Variants in ALK observed in about 807,000 individuals in gnomAD.
ALK encodes the protein ALK receptor tyrosine kinase.
Under a neutral mutation model 163.1 loss-of-function variants are expected in ALK, and 74 were observed. That is an observed-to-expected ratio of 0.45 (90% CI 0.38 to 0.55). The LOEUF (loss-of-function observed/expected upper bound fraction) is 0.55, where lower values mean the gene tolerates loss of function less well. ALK is among the 20% of genes least tolerant of loss of function. The pLI is 0.00. For missense variants in ALK, 2,063 were observed against 2,105.3 expected, an observed-to-expected ratio of 0.98 and a Z score of 0.39; for synonymous variants, 960 against 843.2, an observed-to-expected ratio of 1.14 and a Z score of -2.40.
intron 3 of ALK, among the ~76,000 whole-genome samples, chr2:29,581,822 T>C (rs1203707292): frequency 1.3e-5 from 2 of 152,246 alleles, no homozygotes; most frequent in East Asian, 3.8e-4. Flanking sequence ...TTGCCTCTGC[T>C]GAGTTTTTGC....
intron 4 of ALK, among the ~76,000 whole-genome samples, chr2:29,521,102 G>A (rs1415931990): frequency 1.3e-5 from 2 of 152,216 alleles, no homozygotes. Context: ...GGATCACACA[G>A]TGGGGCTAAG....
chr2:29,564,148 G>A (rs930546996), intron 3 of ALK, among the ~76,000 whole-genome samples: 1 of 152,128 alleles, frequency 6.6e-6, no homozygotes, highest in Non-Finnish European at 1.5e-5. Flanking sequence ...TGACTTACTG[G>A]CTGTCGTGCG....
At chr2:29,690,654 T>C (rs80341584) in intron 3 of ALK, among the ~76,000 whole-genome samples, 2,137 of 152,294 alleles carry the variant, frequency 0.014, 44 homozygotes, top group African/African-American at 0.049. Context: ...TTATGTTCCA[T>C]CAAAATGATC....
intron 1 of ALK, among the ~76,000 whole-genome samples, chr2:29,725,383 C>G (rs1239421170): frequency 6.6e-6 from 1 of 152,070 alleles, no homozygotes. Flanking sequence ...TAAATCCTAC[C>G]CCTTCTTAAA....
chr2:29,447,853 T>C (rs1173411020), intron 4 of ALK, among the ~76,000 whole-genome samples: 1 of 152,056 alleles, frequency 6.6e-6, no homozygotes, highest in Admixed American at 6.5e-5. Flanking sequence ...TGCTCAAATA[T>C]GTGTGAGTTT....
chr2:29,770,443 T>C (rs1680989291), intron 1 of ALK, among the ~76,000 whole-genome samples: 2 of 152,248 alleles, frequency 1.3e-5, no homozygotes, highest in African/African-American at 4.8e-5. Flanking sequence ...AGCATTCTAG[T>C]GTCCTACTCT....
chr2:29,676,466 AT>A (rs1426190472), intron 3 of ALK, among the ~76,000 whole-genome samples: 1 of 152,076 alleles, frequency 6.6e-6, no homozygotes, highest in African/African-American at 2.4e-5. Context: ...AAGTCAGTTG[AT>A]TATAAATTAA....
chr2:29,625,358 A>G lies in ALK; in HGVS notation c.952+69492T>C, dbSNP rs574970416. On this transcript the variant is annotated intron_variant, in intron 3 of 28. Coordinates refer to ENST00000389048, the MANE Select transcript of ALK (RefSeq NM_004304.5). ...AAGGAGGAGTGCACACATGCATAGTATTTATGTATATGTGCGCATTTTCCC... is the reference window on the plus strand; with the variant it reads ...AAGGAGGAGTGCACACATGCATAGTGTTTATGTATATGTGCGCATTTTCCC... Among the ~76,000 whole-genome samples, 4 of 152,352 alleles carry G rather than the reference A, an allele frequency of 2.6e-5. No homozygotes were observed. In the South Asian group the frequency reaches 6.2e-4, roughly 24 times the overall value.
At chr2:29,779,372 G>T (rs1034651494) in intron 1 of ALK, among the ~76,000 whole-genome samples, 5 of 152,132 alleles carry the variant, frequency 3.3e-5, no homozygotes, top group Non-Finnish European at 2.9e-5. Flanking sequence ...CTTCTCCAAG[G>T]ACACCCTTCA....
At position 29,569,373 on chromosome 2, in the gene ALK, A is replaced by T. The variant is rs547110466; in HGVS notation, c.953-37257T>A. Among the ~76,000 whole-genome samples, 13 of 152,296 alleles carry T rather than the reference A, an allele frequency of 8.5e-5. No individual in the cohort carries two copies. The South Asian group carries it at 2.7e-3, about 32-fold the overall frequency. Reference sequence around the variant, plus strand: ...TGACATTCTGCATCCTTACATAGCCAAGTAATCCCATCTGTATCCCTAATA... The same window carrying T: ...TGACATTCTGCATCCTTACATAGCCTAGTAATCCCATCTGTATCCCTAATA... On this transcript the variant is annotated intron_variant, in intron 3 of 28. Transcript: ENST00000389048.
chr2:29,690,967 C>G (rs1461503703), intron 3 of ALK, among the ~76,000 whole-genome samples: 1 of 152,188 alleles, frequency 6.6e-6, no homozygotes, highest in African/African-American at 2.4e-5. Context: ...GACCAAGAAA[C>G]TGAGACTCTA....
intron 4 of ALK, among the ~76,000 whole-genome samples, chr2:29,425,692 T>C (rs1000930769): frequency 3.3e-5 from 5 of 152,174 alleles, no homozygotes; most frequent in Admixed American, 3.3e-4. Context: ...GACCTGTGGC[T>C]CAGAGATTTT....
intron 4 of ALK, among the ~76,000 whole-genome samples, chr2:29,493,022 G>A (rs1317160698): frequency 6.6e-6 from 1 of 152,154 alleles, no homozygotes; most frequent in Non-Finnish European, 1.5e-5. Context: ...GGAATGCAGT[G>A]GAGAGCATGC....
chr2:29,768,028 T>A (rs1680911715), intron 1 of ALK, among the ~76,000 whole-genome samples: 1 of 152,212 alleles, frequency 6.6e-6, no homozygotes, highest in Admixed American at 6.5e-5. Context: ...CTTGTCTTAG[T>A]GAGTCTTCTG....
intron 3 of ALK, among the ~76,000 whole-genome samples, chr2:29,640,458 T>C (rs146334422): frequency 6.6e-6 from 1 of 152,106 alleles, no homozygotes; most frequent in Non-Finnish European, 1.5e-5. Flanking sequence ...TCTGGCCAAG[T>C]GATGTGCCTG....
At chr2:29,620,357 C>G (rs1458127456) in intron 3 of ALK, among the ~76,000 whole-genome samples, 1 of 152,152 alleles carries the variant, frequency 6.6e-6, no homozygotes, top group Non-Finnish European at 1.5e-5. Context: ...CAAATTTCCA[C>G]CTCTTATAAG....
chr2:29,377,252 G>A (rs1294025303), intron 5 of ALK, among the ~76,000 whole-genome samples: 4 of 152,136 alleles, frequency 2.6e-5, no homozygotes, highest in Admixed American at 6.5e-5. Context: ...CAGGGTGGGC[G>A]GATCACGAGG....
chr2:29,748,002 C>T (rs1049664604), intron 1 of ALK, among the ~76,000 whole-genome samples: 5 of 152,218 alleles, frequency 3.3e-5, no homozygotes, highest in African/African-American at 1.2e-4. Flanking sequence ...TAAATCTCTG[C>T]TTCTCTGAGC....
chr2:29,609,933 C>T (rs1675644975), intron 3 of ALK, among the ~76,000 whole-genome samples: 1 of 152,166 alleles, frequency 6.6e-6, no homozygotes, highest in African/African-American at 2.4e-5. Flanking sequence ...TGAGCCACTG[C>T]ACCTGGCCTA....
Sources: gnomAD v4.1 joint callset for allele counts (sites outside exome capture counted in the v4.1 genomes callset) on GRCh38, gnomAD v4.1.1 for gene constraint, MANE v1.5 for transcripts, NCBI Gene and HGNC (gene_info 2026-07-23, HGNC 2026-07-21) for gene names.